Variants in CSMD3 observed in about 807,000 individuals in gnomAD.
The protein encoded by CSMD3 is CUB and Sushi multiple domains 3, also known as CUB and sushi domain-containing protein 3.
CSMD3 carries 177 observed loss-of-function variants against 435.2 expected under a neutral mutation model. The ratio of observed to expected loss-of-function variants is 0.41; its 90% CI spans 0.36 to 0.46. The LOEUF (loss-of-function observed/expected upper bound fraction) is 0.46, where lower values mean the gene tolerates loss of function less well. CSMD3 is among the 20% of genes least tolerant of loss of function. The pLI, the probability that CSMD3 is intolerant of heterozygous loss-of-function variation, is 0.34. For missense variants in CSMD3, 4,265 were observed against 4,504.6 expected, an observed-to-expected ratio of 0.95 and a Z score of 1.52; for synonymous variants, 1,656 against 1,520.5, an observed-to-expected ratio of 1.09 and a Z score of -2.07.
At chr8:112,300,116 T>G (rs1820769845) in intron 53 of CSMD3, among the ~76,000 whole-genome samples, 1 of 147,868 alleles carries the variant, frequency 6.8e-6, no homozygotes, top group South Asian at 2.1e-4. Flanking sequence ...TGGTTCATTT[T>G]AAATATAATA....
intron 13 of CSMD3, among the ~76,000 whole-genome samples, chr8:112,743,456 G>A (rs181001383): frequency 6.6e-6 from 1 of 151,744 alleles, no homozygotes. Context: ...TCTAAATAAC[G>A]CTATGGATTA....
At chr8:113,040,973 T>G (rs112554092) in intron 5 of CSMD3, among the ~76,000 whole-genome samples, 1 of 151,472 alleles carries the variant, frequency 6.6e-6, no homozygotes, top group East Asian at 2.0e-4. Flanking sequence ...GGAAGCTGAG[T>G]TGGGCAGCTT....
chr8:113,021,739 G>C (rs2086691988), intron 5 of CSMD3, among the ~76,000 whole-genome samples: 2 of 152,202 alleles, frequency 1.3e-5, no homozygotes, highest in Admixed American at 1.3e-4. Context: ...TGTAACTGCA[G>C]TTTGCAACTT....
intron 12 of CSMD3, among the ~76,000 whole-genome samples, chr8:112,828,328 C>T (rs10216504): frequency 0.81 from 123,577 of 152,194 alleles, 50,400 homozygotes; most frequent in African/African-American, 0.88. Flanking sequence ...CCAAATCTCA[C>T]GTCAAATTGG....
Position 113,177,268 on chromosome 8 carries a change from G to A in CSMD3, c.515-3352C>T, listed in dbSNP as rs140842131. ...TGTTGTATTTACAGTAAGTGATGAT[G>A]TTGCTTAAAATATATAAATTAAGGA... On this transcript the variant is annotated intron_variant, in intron 3 of 70. Transcript: ENST00000297405. 3.3e-3 allele frequency among the ~76,000 whole-genome samples: 494 copies of A among 149,588 alleles called. 1 individual carries two copies. Among genetic ancestry groups the A allele is most frequent in the Non-Finnish European group, 5.0e-3 (341 of 67,736 alleles).
At chr8:113,220,363 AG>A (rs1178928818) in intron 3 of CSMD3, among the ~76,000 whole-genome samples, 1 of 151,426 alleles carries the variant, frequency 6.6e-6, no homozygotes, top group Admixed American at 6.6e-5. Context: ...TTGTTATGCT[AG>A]GAAGTTATGA....
At chr8:113,114,469 T>C (rs2090762650) in intron 4 of CSMD3, among the ~76,000 whole-genome samples, 1 of 152,160 alleles carries the variant, frequency 6.6e-6, no homozygotes. Flanking sequence ...GTTGGCTTCA[T>C]TTGTGTTTGG....
intron 9 of CSMD3, among the ~76,000 whole-genome samples, chr8:112,933,544 G>A (rs2130722221): frequency 6.6e-6 from 1 of 152,208 alleles, no homozygotes; most frequent in Non-Finnish European, 1.5e-5. Flanking sequence ...AGTGGAAATA[G>A]CAATGGAGTG....
rs1812290896 is a variant in CSMD3 at position 112,223,037 on chromosome 8, A to G, written c.*1734T>C. The G allele has an allele frequency of 2.5e-6, 1 of 398,508 alleles. No individual in the cohort carries two copies. Among genetic ancestry groups the G allele is most frequent in the Non-Finnish European group, 4.4e-6 (1 of 225,712 alleles). The allele number at this position is 398,508 out of a possible 1,614,324, so 24.7% of individuals were successfully genotyped here. A position where few individuals can be genotyped will look rare whatever the true frequency, so the allele number is the denominator to read the frequency against. On this transcript the variant is annotated 3_prime_UTR_variant, in exon 71 of 71. Transcript: ENST00000297405. ...AAAATATACTTCTTTACAAAAGTGT[A>G]TGCATTAATATAAGAGGAGTAGCCA...
At chr8:112,494,571 C>CTTTCTTTCTTTA in intron 30 of CSMD3, among the ~76,000 whole-genome samples, 1 of 93,776 alleles carries the variant, frequency 1.1e-5, no homozygotes, top group Non-Finnish European at 2.1e-5. Context: ...TTCTTTCTTT[C>CTTTCTTTCTTTA]TTTTCTTTCT....
intron 56 of CSMD3, 56 bp from the exon 57 acceptor site, chr8:112,289,594 T>C (rs2130659121): frequency 8.9e-7 from 1 of 1,120,866 alleles, no homozygotes; most frequent in Non-Finnish European, 1.3e-6. Context: ...TCGAACAACC[T>C]ATACCAGCAT....
In CSMD3 at chr8:112,568,118, T is replaced by C. The variant is rs2853250; in HGVS notation, c.4042+5383A>G. On this transcript the variant is annotated intron_variant, in intron 24 of 70. Coordinates refer to ENST00000297405, the MANE Select transcript of CSMD3 (RefSeq NM_198123.2). Reference sequence around the variant, plus strand: ...TGAAATCCCCTAGAGGTCATAAATATCTAAGTGTATCTCACACATGTTTTA... The same window carrying C: ...TGAAATCCCCTAGAGGTCATAAATACCTAAGTGTATCTCACACATGTTTTA... Among the ~76,000 whole-genome samples, 3 of 152,218 alleles carry C rather than the reference T, an allele frequency of 2.0e-5. No individual in the cohort carries two copies. The East Asian group carries it at 5.8e-4, about 30-fold the overall frequency.
chr8:113,260,917 T>C (rs1398733770), intron 3 of CSMD3, among the ~76,000 whole-genome samples: 5 of 152,204 alleles, frequency 3.3e-5, no homozygotes, highest in South Asian at 2.1e-4. Context: ...TTCTTTTTTA[T>C]GGTTGCATAG....
chr8:113,020,772 C>A (rs561631981), intron 5 of CSMD3, among the ~76,000 whole-genome samples: 150 of 152,244 alleles, frequency 9.9e-4, no homozygotes, highest in African/African-American at 2.7e-3. Flanking sequence ...AGAGGAATTA[C>A]AAATATTCTC....
intron 6 of CSMD3, among the ~76,000 whole-genome samples, chr8:113,005,303 A>G (rs1433382890): frequency 6.6e-6 from 1 of 152,024 alleles, no homozygotes; most frequent in African/African-American, 2.4e-5. Context: ...TTATAAAAAT[A>G]AATACAGAAA....
intron 3 of CSMD3, among the ~76,000 whole-genome samples, chr8:113,214,176 C>T (rs887960891): frequency 6.6e-6 from 1 of 151,904 alleles, no homozygotes; most frequent in Non-Finnish European, 1.5e-5. Flanking sequence ...GGATTCTTTT[C>T]TGTTCATGTG....
chr8:112,875,315 G>C (rs2081251298), intron 10 of CSMD3, among the ~76,000 whole-genome samples: 1 of 152,088 alleles, frequency 6.6e-6, no homozygotes, highest in Admixed American at 6.5e-5. Context: ...TTCCCTTTGT[G>C]GGTAACCCAA....
At chr8:112,505,397 A>G (rs1822394435) in intron 29 of CSMD3, among the ~76,000 whole-genome samples, 4 of 152,092 alleles carry the variant, frequency 2.6e-5, no homozygotes, top group Admixed American at 2.6e-4. Context: ...ATAAAACACA[A>G]CTTCTGAATT....
intron 4 of CSMD3, among the ~76,000 whole-genome samples, chr8:113,108,082 C>A (rs2090534727): frequency 6.6e-6 from 1 of 151,934 alleles, no homozygotes; most frequent in Non-Finnish European, 1.5e-5. Flanking sequence ...TTAAATGGAG[C>A]AAAAAGTCAA....
Sources: allele counts gnomAD v4.1 joint callset (sites outside exome capture counted in the v4.1 genomes callset), GRCh38; gene constraint gnomAD v4.1.1; transcripts MANE v1.5; gene names NCBI Gene and HGNC (gene_info 2026-07-23, HGNC 2026-07-21).